NTN1: variants seen among roughly 807,000 people sequenced by gnomAD.
The protein encoded by NTN1 is netrin 1, also known as netrin-1.
A neutral mutation model predicts 54.2 loss-of-function variants in NTN1; 11 were observed. The observed-to-expected ratio is 0.20, with a 90% CI of 0.13 to 0.34. The LOEUF (loss-of-function observed/expected upper bound fraction) is 0.34, where lower values mean the gene tolerates loss of function less well. NTN1 is among the 10% of genes least tolerant of loss of function. The pLI, the probability that NTN1 is intolerant of heterozygous loss-of-function variation, is 1.00. For synonymous variants in NTN1, 371 were observed against 382.0 expected (o/e 0.97, Z 0.33); for missense variants, 740 against 893.1 (o/e 0.83, Z 2.18).
chr17:9,137,151 G>C (rs1326634081), intron 2 of NTN1, among the ~76,000 whole-genome samples: 1 of 152,142 alleles, frequency 6.6e-6, no homozygotes, highest in African/African-American at 2.4e-5. Flanking sequence ...CTGATGGCTG[G>C]CTTAGAAATA....
intron 2 of NTN1, among the ~76,000 whole-genome samples, chr17:9,146,506 TG>T (rs1325406338): frequency 1.3e-5 from 2 of 152,182 alleles, no homozygotes; most frequent in Non-Finnish European, 2.9e-5. Context: ...ATGCATACCT[TG>T]GTCCTCAGTC....
intron 2 of NTN1, among the ~76,000 whole-genome samples, chr17:9,103,451 A>G (rs1425302105): frequency 6.6e-6 from 1 of 152,092 alleles, no homozygotes; most frequent in Non-Finnish European, 1.5e-5. Flanking sequence ...TTCTCATGAT[A>G]GTGAGTGAGT....
At chr17:9,229,655 C>T (rs911617825) in intron 6 of NTN1, among the ~76,000 whole-genome samples, 4 of 151,950 alleles carry the variant, frequency 2.6e-5, no homozygotes, top group African/African-American at 4.8e-5. Flanking sequence ...CAGGCGGGAG[C>T]GGGCACCGTG....
In NTN1 at chr17:9,224,606, C is replaced by T. The variant is rs566824083; in HGVS notation, c.1486+3364C>T. Reference sequence around the variant, plus strand: ...GAGTGGCCCAGCCTCCCGCCCCTTCCACAGCAGCCTTCCTTGAGTTTTTCC... The same window carrying T: ...GAGTGGCCCAGCCTCCCGCCCCTTCTACAGCAGCCTTCCTTGAGTTTTTCC... On this transcript the variant is annotated intron_variant, in intron 6 of 6. Coordinates refer to ENST00000173229, the MANE Select transcript of NTN1 (RefSeq NM_004822.3). Among the ~76,000 whole-genome samples the T allele has an allele frequency of 7.9e-5, 12 of 152,370 alleles. No individual in the cohort carries two copies. The South Asian group carries it at 2.5e-3, about 32-fold the overall frequency.
chr17:9,139,469 C>G (rs771441034), intron 2 of NTN1, among the ~76,000 whole-genome samples: 24 of 152,186 alleles, frequency 1.6e-4, no homozygotes, highest in South Asian at 4.1e-4. Context: ...ACAGAGCTTG[C>G]TGGGACCCAC....
the NTN1 span, among the ~76,000 whole-genome samples, chr17:9,004,320 G>A: frequency 6.6e-6 from 1 of 152,218 alleles, no homozygotes; most frequent in African/African-American, 2.4e-5. Context: ...GGGTCGACCT[G>A]CACAGACTTT....
At chr17:9,115,425 C>A (rs1380085448) in intron 2 of NTN1, among the ~76,000 whole-genome samples, 1 of 152,222 alleles carries the variant, frequency 6.6e-6, no homozygotes, top group Non-Finnish European at 1.5e-5. Flanking sequence ...AAAGGCTTTC[C>A]TTCTCAGAGC....
intron 1 of NTN1, 21 bp from the exon 2 acceptor site, chr17:9,022,290 G>T (rs974829665): frequency 1.3e-5 from 16 of 1,235,104 alleles, no homozygotes; most frequent in Non-Finnish European, 1.5e-5. Flanking sequence ...CTGGCTGAGC[G>T]CAGCTCCCTT....
intron 2 of NTN1, among the ~76,000 whole-genome samples, chr17:9,035,897 C>T (rs570756957): frequency 6.6e-6 from 1 of 152,288 alleles, no homozygotes; most frequent in South Asian, 2.1e-4. Context: ...TGGTGCACGC[C>T]TGTAATCCTA....
chr17:9,055,949 GTGCAA>G (rs1420006359), intron 2 of NTN1, among the ~76,000 whole-genome samples: 2 of 151,954 alleles, frequency 1.3e-5, no homozygotes, highest in Admixed American at 1.3e-4. Flanking sequence ...CCAGGCTGGA[GTGCAA>G]TGGCGCAATC....
At chr17:9,215,288 CATACACACAT>C (rs1487018912) in intron 5 of NTN1, among the ~76,000 whole-genome samples, 3 of 150,640 alleles carry the variant, frequency 2.0e-5, no homozygotes, top group Admixed American at 2.0e-4. Context: ...CACACACACA[CATACACACAT>C]GGGGACAGAG....
chr17:9,158,873 A>G (rs372860117), intron 2 of NTN1, among the ~76,000 whole-genome samples: 11 of 152,120 alleles, frequency 7.2e-5, no homozygotes, highest in African/African-American at 2.7e-4. Flanking sequence ...CCCTGGTCTA[A>G]TTTGGCTTCT....
chr17:9,162,273 C>T (rs577514096), intron 2 of NTN1, among the ~76,000 whole-genome samples: 2 of 152,336 alleles, frequency 1.3e-5, no homozygotes, highest in East Asian at 1.9e-4. Flanking sequence ...CAACAAAGTG[C>T]CACGGGCTGG....
chr17:9,017,748 A>G (rs374943611), upstream of NTN1, among the ~76,000 whole-genome samples: 113 of 152,236 alleles, frequency 7.4e-4, no homozygotes, highest in African/African-American at 2.5e-3. Context: ...AGAGCCTGAC[A>G]TGCCTTCACG....
At chr17:9,116,830 A>G (rs1240678848) in intron 2 of NTN1, among the ~76,000 whole-genome samples, 1 of 147,684 alleles carries the variant, frequency 6.8e-6, no homozygotes, top group South Asian at 2.1e-4. Context: ...CAGGAAGGAG[A>G]AAGGTGGAGG....
At chr17:9,084,658 T>G (rs1330745364) in intron 2 of NTN1, among the ~76,000 whole-genome samples, 7 of 143,920 alleles carry the variant, frequency 4.9e-5, no homozygotes, top group South Asian at 4.8e-4. Context: ...TTTTTTTTTT[T>G]TTTTTTTTTT....
intron 2 of NTN1, among the ~76,000 whole-genome samples, chr17:9,128,401 G>T (rs570700288): frequency 6.6e-6 from 1 of 152,228 alleles, no homozygotes; most frequent in South Asian, 2.1e-4. Flanking sequence ...TGAGAGGTGG[G>T]TAATGATGAT....
chr17:9,037,992 C>T (rs1173960299), intron 2 of NTN1, among the ~76,000 whole-genome samples: 1 of 152,178 alleles, frequency 6.6e-6, no homozygotes, highest in East Asian at 1.9e-4. Context: ...TTGCTGCTCA[C>T]TCAGTCTGTT....
At chr17:9,038,931 G>A (rs1364790135) in intron 2 of NTN1, among the ~76,000 whole-genome samples, 6 of 152,070 alleles carry the variant, frequency 3.9e-5, no homozygotes, top group African/African-American at 7.2e-5. Flanking sequence ...GGAATTAATC[G>A]TGACATATGG....
Sources: gnomAD v4.1 joint callset for allele counts (sites outside exome capture counted in the v4.1 genomes callset) on GRCh38, gnomAD v4.1.1 for gene constraint, MANE v1.5 for transcripts, NCBI Gene and HGNC (gene_info 2026-07-23, HGNC 2026-07-21) for gene names.